The following ABCG1 variants were observed in gnomAD, a reference collection of about 807,000 sequenced individuals.
The protein encoded by ABCG1 is ATP binding cassette subfamily G member 1.
In ABCG1, 29 loss-of-function variants were observed where a neutral mutation model predicts 69.2. The ratio of observed to expected loss-of-function variants is 0.42; its 90% CI spans 0.31 to 0.57. ABCG1 has a LOEUF of 0.57. Among genes scored for constraint, ABCG1 ranks in the 20% least tolerant of loss-of-function variants. The probability of loss-of-function intolerance (pLI) is 0.15; values close to 1 mark genes in which losing one functional copy is unlikely to be tolerated. For missense variants in ABCG1, 718 were observed against 898.1 expected (o/e 0.80, Z 2.56); for synonymous variants, 370 against 374.8 (o/e 0.99, Z 0.15).
At chr21:42,247,237 G>T (rs1601387565) in intron 2 of ABCG1, among the ~76,000 whole-genome samples, 1 of 152,128 alleles carries the variant, frequency 6.6e-6, no homozygotes, top group East Asian at 1.9e-4. Flanking sequence ...AAGTATTTTT[G>T]CTCAGTCTTG....
At chr21:42,257,508 C>T (rs1415360128) in intron 2 of ABCG1, among the ~76,000 whole-genome samples, 1 of 152,226 alleles carries the variant, frequency 6.6e-6, no homozygotes, top group African/African-American at 2.4e-5. Context: ...CCCCCTTCCA[C>T]CTGAAGCGTT....
At chr21:42,241,604 C>T (rs1419076946) in intron 2 of ABCG1, among the ~76,000 whole-genome samples, 1 of 130,532 alleles carries the variant, frequency 7.7e-6, no homozygotes, top group Non-Finnish European at 1.6e-5. Context: ...GACCCTGTCT[C>T]AAAAAAAAAA....
At chr21:42,202,724 A>C (rs1601325831) in intron 2 of ABCG1, among the ~76,000 whole-genome samples, 1 of 150,494 alleles carries the variant, frequency 6.6e-6, no homozygotes, top group Admixed American at 6.6e-5. Context: ...CGATCCTCCC[A>C]CCTCAGCCAC....
At chr21:42,262,261 G>C (rs2068426964) in intron 2 of ABCG1, among the ~76,000 whole-genome samples, 1 of 152,164 alleles carries the variant, frequency 6.6e-6, no homozygotes, top group South Asian at 2.1e-4. Flanking sequence ...CTCCGTAAGG[G>C]ACAGGAGACC....
At chr21:42,215,665 G>A (rs771454619), upstream of ABCG1, among the ~76,000 whole-genome samples, 9 of 152,218 alleles carry the variant, frequency 5.9e-5, no homozygotes, top group Non-Finnish European at 8.8e-5. Context: ...CCCGAGAAGG[G>A]GAAAGTGGGA....
intron 1 of ABCG1, chr21:42,201,530 A>C: frequency 7.7e-7 from 1 of 1,305,782 alleles, no homozygotes; most frequent in Non-Finnish European, 1.0e-6. Context: ...ACCCTGAGTT[A>C]ATCTGAGTGA....
In ABCG1 at chr21:42,274,199, A is replaced by T. The variant is rs117156245; in HGVS notation, c.537+764A>T. On this transcript the variant is annotated intron_variant, in intron 4 of 14. Transcript: ENST00000398449. The stretch of plus-strand genomic sequence containing the variant: ...GTGTAAATATTGAAAGGGAAAATAC[A>T]GGGAAGGTGGGGTAGAATTCTGACA... Among the ~76,000 whole-genome samples, 668 of 152,358 alleles carry T rather than the reference A, an allele frequency of 4.4e-3. 18 individuals carry two copies. The East Asian group carries it at 0.058, about 13-fold the overall frequency.
chr21:42,281,869 C>A (rs1016614289), intron 5 of ABCG1, among the ~76,000 whole-genome samples: 5 of 152,228 alleles, frequency 3.3e-5, no homozygotes, highest in African/African-American at 1.2e-4. Context: ...AATTGTGCAT[C>A]CTCTCATGTG....
intron 2 of ABCG1, among the ~76,000 whole-genome samples, chr21:42,243,970 C>T (rs2068094893): frequency 6.6e-6 from 1 of 151,984 alleles, no homozygotes; most frequent in African/African-American, 2.4e-5. Flanking sequence ...AGGCGCCCGC[C>T]ACCACGCCCG....
intron 2 of ABCG1, among the ~76,000 whole-genome samples, chr21:42,239,772 C>T (rs552942513): frequency 2.0e-4 from 31 of 152,328 alleles, no homozygotes; most frequent in African/African-American, 6.5e-4. Context: ...GGCAGAAGAC[C>T]GTCCGGGGCC....
Position 42,276,772 on chromosome 21 carries a change from C to A in ABCG1, c.538-123C>A. The A allele has an allele frequency of 1.0e-6, 1 of 954,386 alleles. No individual in the cohort carries two copies. The highest frequency in any genetic ancestry group is 1.7e-6 in the Non-Finnish European group (1 of 602,040). 59.1% of individuals were successfully genotyped at this position (954,386 alleles called of 1,614,324 possible). A position where few individuals can be genotyped will look rare whatever the true frequency, so the allele number is the denominator to read the frequency against. ...TGCACTGTGGGTAGCTGCACCGTGGCTAGTGGCACTGTGGCTAGCTGCATC... is the reference window on the plus strand; with the variant it reads ...TGCACTGTGGGTAGCTGCACCGTGGATAGTGGCACTGTGGCTAGCTGCATC... On this transcript the variant is annotated intron_variant, in intron 4 of 14. Transcript: ENST00000398449. This position sits in a 1 kb window ranked among gnomAD's most constrained non-coding sequence, Gnocchi z 5.3.
Position 42,259,559 on chromosome 21 carries a change from G to A in ABCG1, c.287-11511G>A. On this transcript the variant is annotated intron_variant, in intron 2 of 14. Coordinates refer to ENST00000398449, the MANE Select transcript of ABCG1 (RefSeq NM_016818.3). ...GTCATCATGTGGGCCCTCAGGCTAT[G>A]GAGGCAAATCGAGTGGCATTGCCTC... 7 of 1,503,890 alleles carry A rather than the reference G, an allele frequency of 4.7e-6. No individual in the cohort carries two copies. The South Asian group carries it at 9.0e-5, about 19-fold the overall frequency. 93.2% of individuals were successfully genotyped at this position (1,503,890 alleles called of 1,614,324 possible). A position where few individuals can be genotyped will look rare whatever the true frequency, so the allele number is the denominator to read the frequency against.
chr21:42,201,625 G>A (rs372942583), exon 2 of ABCG1: 205 of 1,579,070 alleles, frequency 1.3e-4, no homozygotes, highest in Middle Eastern at 1.7e-4. Flanking sequence ...ATTCAGCCCC[G>A]TGCTCAGCAG....
At chr21:42,232,316 G>A (rs1315698124) in intron 2 of ABCG1, among the ~76,000 whole-genome samples, 4 of 152,188 alleles carry the variant, frequency 2.6e-5, no homozygotes, top group Non-Finnish European at 5.9e-5. Flanking sequence ...TTCTCCCTGT[G>A]AGCACGTTGC....
chr21:42,220,711 G>A (rs1006463672), intron 1 of ABCG1, among the ~76,000 whole-genome samples: 3 of 152,256 alleles, frequency 2.0e-5, no homozygotes, highest in African/African-American at 7.2e-5. Flanking sequence ...TTCCCTCCCG[G>A]TGACACTTGC....
rs901180890 is a variant in ABCG1 at position 42,225,782 on chromosome 21, C to T, written c.154C>T (p.His52Tyr). 1 of 1,613,830 alleles carries T rather than the reference C, an allele frequency of 6.2e-7. No individual in the cohort carries two copies. The highest frequency in any genetic ancestry group is 8.5e-7 in the Non-Finnish European group (1 of 1,180,010). The change falls in exon 2 of 15, where the codon CAT becomes TAT. Residue 52 changes from histidine (H) to tyrosine (Y), a missense_variant. Transcript: ENST00000398449. The stretch of plus-strand genomic sequence containing the variant: ...CACTGAGACGGACCTGCTGAATGGA[C>T]ATCTGAAAAAAGTAGATAATAACCT... ...EATETDLLNG[H>Y]LKKVDNNLTE...
Position 42,287,750 on chromosome 21 carries a change from A to T in ABCG1, c.974-139A>T. 1.2e-6 allele frequency: 1 copy of T among 853,400 alleles called. No homozygotes were observed. Among genetic ancestry groups the T allele is most frequent in the Non-Finnish European group, 1.8e-6 (1 of 563,312 alleles). The allele number at this position is 853,400 out of a possible 1,614,324, so 52.9% of individuals were successfully genotyped here. On this transcript the variant is annotated intron_variant, in intron 8 of 14. Transcript: ENST00000398449. The surrounding 1 kb of genome is among the most constrained non-coding windows in gnomAD (Gnocchi z 6.2). ...GCACGCTGGTTGATAAATGATTTTG[A>T]CGTCATGCCATTAGCACCGCCACGC...
chr21:42,235,547 A>G (rs2067967437), intron 2 of ABCG1, among the ~76,000 whole-genome samples: 1 of 152,234 alleles, frequency 6.6e-6, no homozygotes, highest in South Asian at 2.1e-4. Context: ...ACAGTGATCA[A>G]TATTTAAGAT....
chr21:42,295,772 G>C (rs559783229), intron 14 of ABCG1, among the ~76,000 whole-genome samples: 140 of 151,546 alleles, frequency 9.2e-4, no homozygotes, highest in African/African-American at 3.3e-3. Flanking sequence ...GAGGGAGAGA[G>C]GGGGCAGGAA....
Sources: gnomAD v4.1 joint callset for allele counts (sites outside exome capture counted in the v4.1 genomes callset) on GRCh38, gnomAD v4.1.1 for gene constraint, Gnocchi (gnomAD v3.1) non-coding constraint, MANE v1.5 for transcripts, NCBI Gene and HGNC (gene_info 2026-07-23, HGNC 2026-07-21) for gene names.